PLXNC1: variants seen among roughly 807,000 people sequenced by gnomAD.
PLXNC1 encodes plexin-C1.
In PLXNC1, 75 loss-of-function variants were observed where a neutral mutation model predicts 178.2. That is an observed-to-expected ratio of 0.42 (90% confidence interval 0.35 to 0.51). The LOEUF (loss-of-function observed/expected upper bound fraction) is 0.51. Ranked by LOEUF, PLXNC1 falls within the 20% of genes least tolerant of loss-of-function variation. The pLI, the probability that PLXNC1 is intolerant of heterozygous loss-of-function variation, is 0.02. For missense variants in PLXNC1, 1,503 were observed against 1,984.4 expected, an observed-to-expected ratio of 0.76 and a Z score of 4.61; for synonymous variants, 790 against 779.9, an observed-to-expected ratio of 1.01 and a Z score of -0.22.
At position 94,305,517 on chromosome 12, in the gene PLXNC1, C is replaced by T. The variant is rs973981667; in HGVS notation, c.*232C>T. On this transcript the variant is annotated 3_prime_UTR_variant, in exon 31 of 31. Transcript: ENST00000258526. Reference sequence around the variant, plus strand: ...GTAAATAGAGTTGAAGTGGTTGTTGCAAACAGCCTCCTTGTTTACAGAGAA... The same window carrying T: ...GTAAATAGAGTTGAAGTGGTTGTTGTAAACAGCCTCCTTGTTTACAGAGAA... 2.2e-6 allele frequency: 1 copy of T among 452,318 alleles called. No individual in the cohort carries two copies. Among genetic ancestry groups the T allele is most frequent in the African/African-American group, 2.0e-5 (1 of 50,722 alleles). The allele number at this position is 452,318 out of a possible 1,614,324, so 28.0% of individuals were successfully genotyped here.
rs879647017 is a variant in PLXNC1, at chr12:94,177,073, GTGTGTA to G, written c.1204-4371_1204-4366del. Among the ~76,000 whole-genome samples, 1,255 of 136,398 alleles carry G rather than the reference GTGTGTA, an allele frequency of 9.2e-3. 11 individuals carry two copies. The highest frequency in any genetic ancestry group is 0.012 in the Non-Finnish European group (797 of 64,396). 89.5% of individuals were successfully genotyped at this position (136,398 alleles called of 152,430 possible). A position where few individuals can be genotyped will look rare whatever the true frequency, so the allele number is the denominator to read the frequency against. ...TATATATGTGTGTGTGTGTGTGTGT[GTGTGTA>G]TATATATATGTGTATATATATATGT... On this transcript the variant is annotated intron_variant, in intron 2 of 30. Transcript: ENST00000258526.
intron 2 of PLXNC1, among the ~76,000 whole-genome samples, chr12:94,174,287 C>T (rs1468660965): frequency 6.6e-6 from 1 of 152,010 alleles, no homozygotes; most frequent in African/African-American, 2.4e-5. Context: ...CAGGCTTAAG[C>T]GATCCTCCCA....
At chr12:94,156,277 G>A (rs1961163372) in intron 1 of PLXNC1, among the ~76,000 whole-genome samples, 1 of 152,202 alleles carries the variant, frequency 6.6e-6, no homozygotes, top group Non-Finnish European at 1.5e-5. Context: ...TTGGAAGGTG[G>A]TTCCACATTC....
chr12:94,193,569 C>A (rs958174139), intron 4 of PLXNC1, among the ~76,000 whole-genome samples: 2 of 152,138 alleles, frequency 1.3e-5, no homozygotes, highest in Admixed American at 6.5e-5. Flanking sequence ...AGAAAACAAA[C>A]AAGTGATACC....
chr12:94,173,423 C>T (rs1228182124), intron 2 of PLXNC1, among the ~76,000 whole-genome samples: 1 of 152,178 alleles, frequency 6.6e-6, no homozygotes, highest in African/African-American at 2.4e-5. Context: ...CATTAACCTT[C>T]GTGTAAGCAT....
chr12:94,296,965 G>A (rs1967985363), intron 24 of PLXNC1, among the ~76,000 whole-genome samples: 1 of 152,136 alleles, frequency 6.6e-6, no homozygotes, highest in Non-Finnish European at 1.5e-5. Flanking sequence ...GAGATCACTA[G>A]GGAATCTACT....
chr12:94,196,445 G>A (rs184214405), intron 4 of PLXNC1, among the ~76,000 whole-genome samples: 186 of 152,148 alleles, frequency 1.2e-3, no homozygotes, highest in African/African-American at 3.9e-3. Flanking sequence ...TTCTCCCTTC[G>A]CTTCCAGCAT....
At chr12:94,267,151 A>G (rs1965286684) in intron 21 of PLXNC1, among the ~76,000 whole-genome samples, 1 of 152,214 alleles carries the variant, frequency 6.6e-6, no homozygotes, top group Non-Finnish European at 1.5e-5. Flanking sequence ...AAAGGTCTCC[A>G]AAGAGAAATA....
chr12:94,264,022 T>C (rs943666142), intron 20 of PLXNC1, among the ~76,000 whole-genome samples: 1 of 152,162 alleles, frequency 6.6e-6, no homozygotes, highest in African/African-American at 2.4e-5. Context: ...AGCTTGACTC[T>C]TAACTGGCGC....
chr12:94,245,394 G>A (rs1432532645), intron 12 of PLXNC1, among the ~76,000 whole-genome samples: 1 of 152,218 alleles, frequency 6.6e-6, no homozygotes, highest in Non-Finnish European at 1.5e-5. Flanking sequence ...GGGATTGAAA[G>A]TTGAGGCTGG....
chr12:94,270,369 A>G (rs978949), intron 21 of PLXNC1, among the ~76,000 whole-genome samples: 45,457 of 152,140 alleles, frequency 0.3, 7,541 homozygotes, highest in African/African-American at 0.45. Flanking sequence ...AGATCATATG[A>G]GTTTTAAGTC....
intron 23 of PLXNC1, among the ~76,000 whole-genome samples, chr12:94,289,848 G>A (rs774188551): frequency 3.3e-5 from 5 of 152,020 alleles, no homozygotes; most frequent in African/African-American, 9.7e-5. Flanking sequence ...ACACATACGC[G>A]CTCACACACA....
chr12:94,155,217 C>A (rs1961123060), intron 1 of PLXNC1, among the ~76,000 whole-genome samples: 1 of 152,140 alleles, frequency 6.6e-6, no homozygotes, highest in African/African-American at 2.4e-5. Flanking sequence ...TTTTTGATTG[C>A]CTTTCAACTA....
At chr12:94,242,492 C>T (rs957259047) in intron 11 of PLXNC1, among the ~76,000 whole-genome samples, 6 of 151,798 alleles carry the variant, frequency 4.0e-5, no homozygotes, top group African/African-American at 1.5e-4. Context: ...GATTAGGGCC[C>T]ACCCCAATGA....
chr12:94,217,731 A>G (rs902313183), intron 5 of PLXNC1, among the ~76,000 whole-genome samples: 7 of 152,042 alleles, frequency 4.6e-5, no homozygotes, highest in Non-Finnish European at 7.4e-5. Context: ...TCATTGTACC[A>G]TCTTAGCTCA....
chr12:94,150,021 C>T lies in PLXNC1; in HGVS notation c.1050C>T (p.Ala350=). Residue 350 remains alanine (A), a synonymous_variant, in exon 1 of 31, where the codon GCC becomes GCT. Transcript: ENST00000258526. The stretch of plus-strand genomic sequence containing the variant: ...GGGTCAGCTGGGACTTCAAGACGGC[C>T]GAGAGCCACTGCGTAAGTCCTGCCC... ...AKRVSWDFKT[A]ESHCKEGDQP... 2.5e-6 allele frequency: 4 copies of T among 1,593,926 alleles called. No homozygotes were observed. The highest frequency in any genetic ancestry group is 3.4e-6 in the Non-Finnish European group (4 of 1,171,724).
At chr12:94,239,843 C>G (rs1209459647) in intron 10 of PLXNC1, among the ~76,000 whole-genome samples, 1 of 152,142 alleles carries the variant, frequency 6.6e-6, no homozygotes, top group Non-Finnish European at 1.5e-5. Flanking sequence ...GTTTAGGCCC[C>G]CTTTGAACAG....
At chr12:94,214,210 A>C (rs2136009882) in intron 5 of PLXNC1, among the ~76,000 whole-genome samples, 1 of 151,788 alleles carries the variant, frequency 6.6e-6, no homozygotes, top group South Asian at 2.1e-4. Flanking sequence ...TCAGCCTCCC[A>C]AGTAGCTGGG....
At position 94,279,490 on chromosome 12, in the gene PLXNC1, G is replaced by GA. The variant is rs1565852858; in HGVS notation, c.3622dup (p.Ile1208AsnfsTer21). 6.2e-7 allele frequency: 1 copy of GA among 1,613,372 alleles called. No individual in the cohort carries two copies. The highest frequency in any genetic ancestry group is 2.2e-5 in the East Asian group (1 of 44,874). On this transcript the variant is annotated frameshift_variant, in exon 22 of 31. Transcript: ENST00000258526. LOFTEE classifies it high-confidence loss of function. Reference sequence around the variant, plus strand: ...CTTGCAGGCATTAAACGTCGTCTTTGAAAAAATCCCGGAAAACGAGAGTGC... The same window carrying GA: ...CTTGCAGGCATTAAACGTCGTCTTTGAAAAAAATCCCGGAAAACGAGAGTGC...
Sources: allele counts gnomAD v4.1 joint callset (sites outside exome capture counted in the v4.1 genomes callset), GRCh38; gene constraint gnomAD v4.1.1; transcripts MANE v1.5; gene names NCBI Gene and HGNC (gene_info 2026-07-23, HGNC 2026-07-21).